The following KIAA1210 variants were observed in gnomAD, a reference collection of about 807,000 sequenced individuals.
The protein encoded by KIAA1210 is KIAA1210.
Under a neutral mutation model 78.9 loss-of-function variants are expected in KIAA1210, and 48 were observed. That is an observed-to-expected ratio of 0.61 (90% CI 0.48 to 0.77). KIAA1210 has a LOEUF of 0.77. Among genes scored for constraint, KIAA1210 ranks in the 30% least tolerant of loss-of-function variants. KIAA1210 has a pLI of 0.00. For missense variants in KIAA1210, 1,108 were observed against 1,100.0 expected, an observed-to-expected ratio of 1.01 and a Z score of -0.10; for synonymous variants, 406 against 404.5, an observed-to-expected ratio of 1.00 and a Z score of -0.04.
intron 2 of KIAA1210, among the ~76,000 whole-genome samples, chrX:119,146,777 C>T (rs746407543): frequency 2.5e-4 from 28 of 111,198 alleles, no homozygotes; most frequent in Admixed American, 3.8e-4. Context: ...ATTCTCCTAT[C>T]GCTCTCATGA....
At chrX:119,147,528 C>T in exon 2 of KIAA1210, 1 of 1,210,789 alleles carries the variant, frequency 8.3e-7, no homozygotes, top group Non-Finnish European at 1.1e-6. Context: ...TGTGAGGGGC[C>T]CACTATCCTG....
chrX:119,138,648 A>G (rs1271213258), intron 2 of KIAA1210, among the ~76,000 whole-genome samples: 1 of 111,275 alleles, frequency 9.0e-6, no homozygotes, highest in Non-Finnish European at 1.9e-5. Flanking sequence ...ACATCCACAA[A>G]CCCTAGTGAG....
Position 119,088,168 on chromosome X carries a change from T to A in KIAA1210, c.2534A>T (p.Tyr845Phe), listed in dbSNP as rs1927222667. 8.3e-7 allele frequency: 1 copy of A among 1,209,808 alleles called. No individual in the cohort carries two copies. The change falls in exon 9 of 12, where the codon TAT (tyrosine) becomes TTT (phenylalanine). Residue 845 changes from tyrosine to phenylalanine, a missense_variant. Tyr to Phe is a conservative substitution (Grantham distance 22, BLOSUM62 3). This residue lies in a region of KIAA1210 where 7 missense variants were observed against 21.9 expected (regional missense o/e 0.32). Transcript: ENST00000691062. ...AGGATCTGTCAAGGACTGAGGAGAA[T>A]ATCTGGGGAGTAGTGGCTCCACAGA... Reference protein sequence around the residue: ...VISVEPLLPRYSPQSLTDPQI... With the variant: ...VISVEPLLPRFSPQSLTDPQI...
intron 1 of KIAA1210, among the ~76,000 whole-genome samples, chrX:119,149,702 T>A (rs1929247791): frequency 8.9e-6 from 1 of 112,289 alleles, no homozygotes; most frequent in Non-Finnish European, 1.9e-5. Context: ...AAAACAACAC[T>A]GTGGACACAT....
chrX:119,119,413 A>G (rs1427139766), intron 2 of KIAA1210, among the ~76,000 whole-genome samples: 1 of 112,487 alleles, frequency 8.9e-6, no homozygotes, highest in Non-Finnish European at 1.9e-5. Flanking sequence ...ATTTGCCTAT[A>G]TAGGGGCATG....
rs1927212136 is a variant in KIAA1210 at position 119,087,905 on chromosome X, C to T, written c.2797G>A (p.Val933Ile). The T allele has an allele frequency of 1.7e-6, 2 of 1,210,281 alleles. No homozygotes were observed. Among genetic ancestry groups the T allele is most frequent in the Non-Finnish European group, 2.2e-6 (2 of 895,274 alleles). The change falls in exon 9 of 12, where the codon GTT (valine) becomes ATT (isoleucine). Residue 933 changes from valine to isoleucine, a missense_variant. Physicochemically the swap from Val to Ile is conservative, Grantham distance 29 (BLOSUM62 3). This residue lies in a region of KIAA1210 where 179 missense variants were observed against 174.1 expected (regional missense o/e 1.03). Coordinates refer to ENST00000691062, the MANE Select transcript of KIAA1210 (RefSeq NM_001394962.1). ...TGCTCCTTAGAAATGTCCTCTTCAA[C>T]AGTAGTGCTTTCTGGATGTGCAGAG... ...QLSAHPESTT[V>I]EEDISKEQLL...
chrX:119,145,973 C>A (rs776823508), intron 2 of KIAA1210, among the ~76,000 whole-genome samples: 2 of 112,136 alleles, frequency 1.8e-5, no homozygotes, highest in African/African-American at 6.5e-5. Flanking sequence ...GCATAAGAAG[C>A]AGATTGGTTT....
At chrX:119,140,805 T>C (rs1929032047) in intron 2 of KIAA1210, among the ~76,000 whole-genome samples, 1 of 111,297 alleles carries the variant, frequency 9.0e-6, no homozygotes, top group Non-Finnish European at 1.9e-5. Context: ...CTGGGCATGG[T>C]GGCACATGCC....
intron 2 of KIAA1210, among the ~76,000 whole-genome samples, chrX:119,136,902 AC>A (rs1050811124): frequency 7.2e-5 from 8 of 110,409 alleles, no homozygotes; most frequent in African/African-American, 2.6e-4. Context: ...CTTTCCTTTT[AC>A]CCCAGCCATG....
intron 1 of KIAA1210, among the ~76,000 whole-genome samples, chrX:119,149,837 C>T (rs1929251236): frequency 9.0e-6 from 1 of 110,986 alleles, no homozygotes; most frequent in Non-Finnish European, 1.9e-5. Flanking sequence ...CTTCTCTACT[C>T]ATCCATGTTT....
chrX:119,117,827 A>C (rs1035364616), intron 2 of KIAA1210, among the ~76,000 whole-genome samples: 4 of 110,906 alleles, frequency 3.6e-5, no homozygotes, highest in African/African-American at 1.3e-4. Flanking sequence ...TTCTAGTCTC[A>C]AACGCGAACT....
chrX:119,149,666 G>A (rs1198184539), intron 1 of KIAA1210, among the ~76,000 whole-genome samples: 1 of 112,082 alleles, frequency 8.9e-6, no homozygotes, highest in African/African-American at 3.2e-5. Context: ...CTTGCAATAC[G>A]TAAACATATG....
rs1376754521 is a variant in KIAA1210 at position 119,081,253 on chromosome X, C to T, written c.*76G>A. 23 of 857,094 alleles carry T rather than the reference C, an allele frequency of 2.7e-5. No homozygotes were observed. Among genetic ancestry groups the T allele is most frequent in the Non-Finnish European group, 3.5e-5 (23 of 655,284 alleles). 70.6% of individuals were successfully genotyped at this position (857,094 alleles called of 1,213,427 possible). Reference sequence around the variant, plus strand: ...CTGCACTCCAATCTGGGTAACAGAGCGAGACTCTGTCTCAAAAAAAAAAAA... The same window carrying T: ...CTGCACTCCAATCTGGGTAACAGAGTGAGACTCTGTCTCAAAAAAAAAAAA... On this transcript the variant is annotated 3_prime_UTR_variant, in exon 12 of 12. Coordinates refer to ENST00000691062, the MANE Select transcript of KIAA1210 (RefSeq NM_001394962.1).
chrX:119,094,137 C>T lies in KIAA1210; in HGVS notation c.847-362G>A, dbSNP rs1172682465. 27 of 889,879 alleles carry T rather than the reference C, an allele frequency of 3.0e-5. No individual in the cohort carries two copies. In the East Asian group the frequency reaches 6.5e-4, roughly 21 times the overall value. 73.3% of individuals were successfully genotyped at this position (889,879 alleles called of 1,213,427 possible). The stretch of plus-strand genomic sequence containing the variant: ...TTGGGCCTGACAACAATCATGCCCT[C>T]GGCCATATTGGGATTCTCCGATTTG... On this transcript the variant is annotated intron_variant, in intron 7 of 11. Coordinates refer to ENST00000691062, the MANE Select transcript of KIAA1210 (RefSeq NM_001394962.1).
At chrX:119,115,088 GA>G (rs1207199141) in intron 3 of KIAA1210, among the ~76,000 whole-genome samples, 1 of 111,506 alleles carries the variant, frequency 9.0e-6, no homozygotes. Flanking sequence ...TTCAGTGAAT[GA>G]AAAAAGCTGA....
At chrX:119,108,791 C>T (rs984463838) in intron 4 of KIAA1210, among the ~76,000 whole-genome samples, 6 of 107,479 alleles carry the variant, frequency 5.6e-5, no homozygotes, top group African/African-American at 1.7e-4. Context: ...CTGCAGTGAG[C>T]CATGATCATG....
chrX:119,143,997 T>G (rs1039010675), intron 2 of KIAA1210, among the ~76,000 whole-genome samples: 1 of 112,368 alleles, frequency 8.9e-6, no homozygotes, highest in Non-Finnish European at 1.9e-5. Context: ...TTTCCACGTG[T>G]GTACATATGT....
intron 1 of KIAA1210, among the ~76,000 whole-genome samples, chrX:119,149,684 A>G (rs2147203467): frequency 8.9e-6 from 1 of 112,396 alleles, no homozygotes; most frequent in Non-Finnish European, 1.9e-5. Flanking sequence ...ATGCACATAC[A>G]ACATCCAAAA....
chrX:119,085,668 C>T (rs772950142), intron 9 of KIAA1210, 122 bp from the exon 10 acceptor site: 2 of 668,292 alleles, frequency 3.0e-6, no homozygotes, highest in Admixed American at 4.0e-5. Flanking sequence ...GGAAAATAAA[C>T]AGATATCAAA....
Sources: allele counts gnomAD v4.1 joint callset (sites outside exome capture counted in the v4.1 genomes callset), GRCh38; gene constraint gnomAD v4.1.1; regional missense constraint gnomAD v4.1.1; transcripts MANE v1.5; gene names NCBI Gene and HGNC (gene_info 2026-07-23, HGNC 2026-07-21).